Variants in LRMDA observed in about 807,000 individuals in gnomAD.
LRMDA encodes the protein leucine-rich melanocyte differentiation-associated protein.
Under a neutral mutation model 29.8 loss-of-function variants are expected in LRMDA, and 18 were observed. The observed-to-expected ratio is 0.60, with a 90% CI of 0.42 to 0.90. The LOEUF (loss-of-function observed/expected upper bound fraction) is 0.90, where lower values mean the gene tolerates loss of function less well. Ranked by LOEUF, LRMDA falls within the 40% of genes least tolerant of loss-of-function variation. The pLI is 0.00. For synonymous variants in LRMDA, 125 were observed against 109.4 expected (o/e 1.14, Z -0.89); for missense variants, 273 against 273.9 (o/e 1.00, Z 0.02).
At chr10:75,929,273 C>T (rs1443509470) in intron 2 of LRMDA, among the ~76,000 whole-genome samples, 1 of 149,568 alleles carries the variant, frequency 6.7e-6, no homozygotes, top group Non-Finnish European at 1.5e-5. Flanking sequence ...AGTGCATATA[C>T]AAGCATTTAA....
intron 2 of LRMDA, among the ~76,000 whole-genome samples, chr10:75,678,562 G>A (rs1178530773): frequency 6.6e-6 from 1 of 152,136 alleles, no homozygotes; most frequent in African/African-American, 2.4e-5. Flanking sequence ...TTTTTATGAA[G>A]GTAATTCGAT....
chr10:76,053,298 T>C (rs776972518), intron 4 of LRMDA, among the ~76,000 whole-genome samples: 8 of 152,304 alleles, frequency 5.3e-5, no homozygotes, highest in Non-Finnish European at 1.2e-4. Context: ...GATTGCAGGT[T>C]ATCTGGGGGA....
At chr10:75,926,587 G>T (rs1433686298) in intron 2 of LRMDA, among the ~76,000 whole-genome samples, 1 of 152,222 alleles carries the variant, frequency 6.6e-6, no homozygotes, top group Non-Finnish European at 1.5e-5. Context: ...GCTCACTAAA[G>T]AGATTAATTA....
chr10:76,329,632 A>T (rs768661130), intron 6 of LRMDA, among the ~76,000 whole-genome samples: 78 of 152,188 alleles, frequency 5.1e-4, no homozygotes, highest in Non-Finnish European at 1.0e-3. Context: ...TTCCTCTCCA[A>T]CCAGGGGCTT....
At chr10:76,009,960 T>C (rs924974218) in intron 2 of LRMDA, among the ~76,000 whole-genome samples, 3 of 152,064 alleles carry the variant, frequency 2.0e-5, no homozygotes, top group Non-Finnish European at 4.4e-5. Flanking sequence ...GTATTTTTCA[T>C]AATTTTCAAA....
At position 76,185,547 on chromosome 10, in the gene LRMDA, TA is replaced by T. The variant is rs149434532; in HGVS notation, c.516+126772del. Reference sequence around the variant, plus strand: ...GATTATAAAGGCTCTTCCTGGTCTGTAAAAAAAACATTTTCCCAAGTCCTCC... The same window carrying T: ...GATTATAAAGGCTCTTCCTGGTCTGTAAAAAAACATTTTCCCAAGTCCTCC... On this transcript the variant is annotated intron_variant, in intron 5 of 6. Coordinates refer to ENST00000611255, the MANE Select transcript of LRMDA (RefSeq NM_001305581.2). Among the ~76,000 whole-genome samples the T allele has an allele frequency of 1.5e-3, 223 of 152,034 alleles. 1 individual carries two copies. Among genetic ancestry groups the T allele is most frequent in the Non-Finnish European group, 1.7e-3 (118 of 67,958 alleles).
At chr10:76,431,230 T>C (rs924650170) in intron 6 of LRMDA, among the ~76,000 whole-genome samples, 5 of 152,116 alleles carry the variant, frequency 3.3e-5, no homozygotes, top group Non-Finnish European at 7.4e-5. Context: ...ACTAGGTGCT[T>C]GGGGAGTGAA....
intron 1 of LRMDA, 24 bp downstream of exon 1, chr10:75,431,778 CCG>C: frequency 7.4e-7 from 1 of 1,350,734 alleles, no homozygotes; most frequent in Non-Finnish European, 9.5e-7. Flanking sequence ...AGCCCCGCCT[CCG>C]CCCGGGGCGC....
At chr10:76,203,869 C>T (rs1239929964) in intron 5 of LRMDA, among the ~76,000 whole-genome samples, 1 of 146,892 alleles carries the variant, frequency 6.8e-6, no homozygotes, top group African/African-American at 2.5e-5. Flanking sequence ...ATGTTCCCAT[C>T]CACCCATCTC....
intron 2 of LRMDA, among the ~76,000 whole-genome samples, chr10:75,725,549 T>G (rs1589172535): frequency 6.6e-6 from 1 of 152,214 alleles, no homozygotes; most frequent in Non-Finnish European, 1.5e-5. Flanking sequence ...AATCACTCTG[T>G]GTCACACGAT....
At chr10:76,320,463 G>A (rs1840757225) in intron 5 of LRMDA, among the ~76,000 whole-genome samples, 1 of 152,070 alleles carries the variant, frequency 6.6e-6, no homozygotes, top group Admixed American at 6.5e-5. Flanking sequence ...AAACAGAAAT[G>A]GGATATTTCA....
intron 6 of LRMDA, among the ~76,000 whole-genome samples, chr10:76,416,823 G>A (rs1216437676): frequency 6.6e-6 from 1 of 152,214 alleles, no homozygotes; most frequent in African/African-American, 2.4e-5. Context: ...TTTGTAGTTA[G>A]TGAATGATTA....
intron 6 of LRMDA, among the ~76,000 whole-genome samples, chr10:76,524,122 A>G (rs1164201712): frequency 6.6e-6 from 1 of 152,266 alleles, no homozygotes; most frequent in African/African-American, 2.4e-5. Flanking sequence ...CATCAGAGGG[A>G]ACCGGGAGGT....
chr10:75,995,904 C>T (rs1275444289), intron 2 of LRMDA, among the ~76,000 whole-genome samples: 3 of 152,010 alleles, frequency 2.0e-5, no homozygotes, highest in African/African-American at 7.3e-5. Flanking sequence ...ATCTTAGGCA[C>T]CCTGAGGATA....
At chr10:76,223,513 A>G (rs1467524781) in intron 5 of LRMDA, among the ~76,000 whole-genome samples, 1 of 152,166 alleles carries the variant, frequency 6.6e-6, no homozygotes, top group Non-Finnish European at 1.5e-5. Flanking sequence ...GAAATCTTAA[A>G]CTGCAATGTG....
At chr10:76,321,972 G>T (rs377561113) in intron 5 of LRMDA, among the ~76,000 whole-genome samples, 2 of 152,044 alleles carry the variant, frequency 1.3e-5, no homozygotes, top group South Asian at 4.1e-4. Flanking sequence ...ATTTGCCAAG[G>T]ATTCAAAGAT....
At chr10:76,036,261 GAA>G (rs1848243788) in intron 3 of LRMDA, 127 bp downstream of exon 3, 1 of 983,880 alleles carries the variant, frequency 1.0e-6, no homozygotes, top group South Asian at 1.7e-5. Flanking sequence ...TAAAGTATGT[GAA>G]ATACAGTTCG....
chr10:76,051,925 T>C (rs982427474), intron 4 of LRMDA, among the ~76,000 whole-genome samples: 17 of 152,368 alleles, frequency 1.1e-4, no homozygotes, highest in African/African-American at 4.1e-4. Context: ...ACTGAAGCCA[T>C]TGCTAAGTTT....
intron 2 of LRMDA, among the ~76,000 whole-genome samples, chr10:75,912,633 T>G (rs1438739511): frequency 6.6e-6 from 1 of 151,994 alleles, no homozygotes; most frequent in Non-Finnish European, 1.5e-5. Context: ...GATGAGGGAA[T>G]GTAGGAAGAA....
Sources: allele counts gnomAD v4.1 joint callset (sites outside exome capture counted in the v4.1 genomes callset), GRCh38; gene constraint gnomAD v4.1.1; transcripts MANE v1.5; gene names NCBI Gene and HGNC (gene_info 2026-07-23, HGNC 2026-07-21).